DAO: variants seen among roughly 807,000 people sequenced by gnomAD.
DAO encodes the protein D-amino-acid oxidase.
A neutral mutation model predicts 50.1 loss-of-function variants in DAO; 51 were observed. That is an observed-to-expected ratio of 1.02 (90% CI 0.81 to 1.29). DAO has a LOEUF of 1.29. Ranked by LOEUF, DAO falls within the 50% of genes most tolerant of loss-of-function variation. DAO has a pLI of 0.00. For missense variants in DAO, 436 were observed against 439.4 expected (o/e 0.99, Z 0.07); for synonymous variants, 160 against 166.2 (o/e 0.96, Z 0.29).
At chr12:108,896,729 C>T (rs1295169281) in intron 7 of DAO, among the ~76,000 whole-genome samples, 8 of 152,140 alleles carry the variant, frequency 5.3e-5, no homozygotes, top group African/African-American at 1.9e-4. Context: ...ATTTTTATTT[C>T]TCATGTGTAT....
chr12:108,881,474 A>C (rs1398553147), intron 1 of DAO, among the ~76,000 whole-genome samples: 1 of 138,500 alleles, frequency 7.2e-6, no homozygotes, highest in Non-Finnish European at 1.6e-5. Context: ...TGTATTTTAA[A>C]ACACACACAC....
chr12:108,884,039 A>C (rs1303315348), intron 1 of DAO, among the ~76,000 whole-genome samples: 1 of 152,248 alleles, frequency 6.6e-6, no homozygotes, highest in Non-Finnish European at 1.5e-5. Context: ...AGCCTGCAGA[A>C]TATTTCCCTG....
At chr12:108,880,564 G>A (rs1342054037) in intron 1 of DAO, among the ~76,000 whole-genome samples, 2 of 152,100 alleles carry the variant, frequency 1.3e-5, no homozygotes, top group Non-Finnish European at 2.9e-5. Context: ...TATTTTTGGT[G>A]GGGGAGTTGG....
rs1220539612 is a variant in DAO at position 108,880,215 on chromosome 12, G to C, written c.-19G>C. On this transcript the variant is annotated 5_prime_UTR_variant, in exon 1 of 11. Transcript: ENST00000228476. ...AGTTGTCTGGTCTCTCCAGCAGTTTGGTACTTCCGGTGAGTGGCAGATGCA... is the reference window on the plus strand; with the variant it reads ...AGTTGTCTGGTCTCTCCAGCAGTTTCGTACTTCCGGTGAGTGGCAGATGCA... 1 of 440,650 alleles carries C rather than the reference G, an allele frequency of 2.3e-6. No individual in the cohort carries two copies. Among genetic ancestry groups the C allele is most frequent in the East Asian group, 7.1e-5 (1 of 14,150 alleles). The allele number at this position is 440,650 out of a possible 1,614,324, so 27.3% of individuals were successfully genotyped here. A position where few individuals can be genotyped will look rare whatever the true frequency, so the allele number is the denominator to read the frequency against.
At chr12:108,900,345 C>T (rs1437817047) in intron 10 of DAO, 59 bp from the exon 11 acceptor site, 6 of 1,595,872 alleles carry the variant, frequency 3.8e-6, no homozygotes, top group Non-Finnish European at 5.1e-6. Context: ...AGAAGAGCTT[C>T]ATCTATTCTT....
intron 2 of DAO, 26 bp from the exon 3 acceptor site, chr12:108,887,424 G>T: frequency 6.4e-7 from 1 of 1,565,672 alleles, no homozygotes; most frequent in South Asian, 1.1e-5. Flanking sequence ...GGCATTGGGT[G>T]ATCGAACTCT....
chr12:108,889,447 C>T (rs770412602), intron 3 of DAO, 22 bp from the exon 4 acceptor site: 3 of 1,579,454 alleles, frequency 1.9e-6, no homozygotes, highest in East Asian at 4.5e-5. Flanking sequence ...CACCCAGTGC[C>T]CCCTTTGTCC....
At chr12:108,896,011 A>T (rs1169758241) in intron 7 of DAO, among the ~76,000 whole-genome samples, 2 of 147,410 alleles carry the variant, frequency 1.4e-5, no homozygotes, top group Non-Finnish European at 1.5e-5. Context: ...TTCTCAGGAG[A>T]TTTAGTCTTT....
intron 1 of DAO, among the ~76,000 whole-genome samples, chr12:108,883,005 C>T (rs553852355): frequency 6.1e-4 from 92 of 152,014 alleles, no homozygotes; most frequent in Non-Finnish European, 7.8e-4. Flanking sequence ...AGAGTGAGAC[C>T]TTGTCTCTTA....
rs1020196715 is a variant in DAO, at chr12:108,900,933, T to C, written c.*398T>C. 2 of 270,982 alleles carry C rather than the reference T, an allele frequency of 7.4e-6. No individual in the cohort carries two copies. The highest frequency in any genetic ancestry group is 1.0e-4 in the Admixed American group (2 of 19,704). The allele number at this position is 270,982 out of a possible 1,614,324, so 16.8% of individuals were successfully genotyped here. On this transcript the variant is annotated 3_prime_UTR_variant, in exon 11 of 11. Coordinates refer to ENST00000228476, the MANE Select transcript of DAO (RefSeq NM_001917.5). ...TGAAAAGTCCTGCAGCAAAGACAACTATCTGATGTTGTTTAACCCAGTGCT... is the reference window on the plus strand; with the variant it reads ...TGAAAAGTCCTGCAGCAAAGACAACCATCTGATGTTGTTTAACCCAGTGCT...
intron 5 of DAO, among the ~76,000 whole-genome samples, chr12:108,891,965 C>T (rs2039496078): frequency 6.6e-6 from 1 of 152,020 alleles, no homozygotes; most frequent in Non-Finnish European, 1.5e-5. Context: ...AATCATTGTA[C>T]TAAGACATGG....
chr12:108,880,466 G>A (rs1334846199), intron 1 of DAO: 4 of 280,468 alleles, frequency 1.4e-5, no homozygotes, highest in African/African-American at 6.6e-5. Context: ...CTCTTACAGC[G>A]TGAGTCTGAG....
At position 108,885,214 on chromosome 12, in the gene DAO, A is replaced by G; in HGVS notation, c.194+14A>G. ...CCCACAGGAGGCGTGAGTGAGGGTCACATAGGGTAGCCTGGGGTGCCCATG... is the reference window on the plus strand; with the variant it reads ...CCCACAGGAGGCGTGAGTGAGGGTCGCATAGGGTAGCCTGGGGTGCCCATG... On this transcript the variant is annotated intron_variant, in intron 2 of 10. Coordinates refer to ENST00000228476, the MANE Select transcript of DAO (RefSeq NM_001917.5). 1 of 1,609,988 alleles carries G rather than the reference A, an allele frequency of 6.2e-7. No individual in the cohort carries two copies. Among genetic ancestry groups the G allele is most frequent in the Non-Finnish European group, 8.5e-7 (1 of 1,179,456 alleles).
rs59694062 is a variant in DAO at position 108,881,474 on chromosome 12, A to AACACACACACACAC, written c.-10+1273_-10+1286dup. Among the ~76,000 whole-genome samples, 284 of 138,584 alleles carry AACACACACACACAC rather than the reference A, an allele frequency of 2.0e-3. 3 individuals are homozygous for AACACACACACACAC. Among genetic ancestry groups the AACACACACACACAC allele is most frequent in the African/African-American group, 5.3e-3 (193 of 36,712 alleles). 90.9% of individuals were successfully genotyped at this position (138,584 alleles called of 152,430 possible). A position where few individuals can be genotyped will look rare whatever the true frequency, so the allele number is the denominator to read the frequency against. On this transcript the variant is annotated intron_variant, in intron 1 of 10. Transcript: ENST00000228476. ...CTCATGCATTTATTTTGTATTTTAA[A>AACACACACACACAC]ACACACACACACACACACACACACA...
At chr12:108,883,117 G>T (rs1290504649) in intron 1 of DAO, among the ~76,000 whole-genome samples, 1 of 151,470 alleles carries the variant, frequency 6.6e-6, no homozygotes, top group Non-Finnish European at 1.5e-5. Context: ...CAAGGCAGAA[G>T]TGAAGCCAGG....
At chr12:108,898,370 C>G in intron 8 of DAO, 1 of 390,220 alleles carries the variant, frequency 2.6e-6, no homozygotes, top group Non-Finnish European at 4.9e-6. Flanking sequence ...ATCTCAATGG[C>G]GATGTTACTG....
chr12:108,895,344 TG>T (rs1566038938), intron 7 of DAO, among the ~76,000 whole-genome samples: 1 of 136,784 alleles, frequency 7.3e-6, no homozygotes, highest in Non-Finnish European at 1.5e-5. Flanking sequence ...TGTGTGAGGG[TG>T]TGTGTGCATG....
rs995627855 is a variant in DAO at position 108,886,257 on chromosome 12, C to T, written c.194+1057C>T. 4.6e-5 allele frequency among the ~76,000 whole-genome samples: 7 copies of T among 152,150 alleles called. No individual in the cohort carries two copies. The East Asian group carries it at 1.3e-3, about 29-fold the overall frequency. On this transcript the variant is annotated intron_variant, in intron 2 of 10. Coordinates refer to ENST00000228476, the MANE Select transcript of DAO (RefSeq NM_001917.5). ...CGGGCTGGTCTTGAACTCCTGGGCT[C>T]AAGTGATCTGCCCTCCTTGGCCTCC...
Position 108,899,398 on chromosome 12 carries a change from C to T in DAO, c.835C>T (p.Arg279Ter), listed in dbSNP as rs745766982. ...TLKNARIIGERTGFRPVRPQI... is the reference protein window; with the variant it reads ...TLKNARIIGE ...CCAGAATGCAAGAATTATTGGTGAA[C>T]GAACTGGCTTCCGGCCAGTACGCCC... is the stretch of plus-strand genomic sequence containing the variant. Residue 279 changes from arginine (R) to a stop codon, truncating the protein, a stop_gained, in exon 10 of 11, where the codon CGA becomes TGA. Coordinates refer to ENST00000228476, the MANE Select transcript of DAO (RefSeq NM_001917.5). LOFTEE classifies it high-confidence loss of function. 16 of 1,613,464 alleles carry T rather than the reference C, an allele frequency of 9.9e-6. No homozygotes were observed. The highest frequency in any genetic ancestry group is 1.6e-4 in the Middle Eastern group (1 of 6,084).
Sources: gnomAD v4.1 joint callset for allele counts (sites outside exome capture counted in the v4.1 genomes callset) on GRCh38, gnomAD v4.1.1 for gene constraint, MANE v1.5 for transcripts, NCBI Gene and HGNC (gene_info 2026-07-23, HGNC 2026-07-21) for gene names.